The following FLVCR2 variants were observed in gnomAD, a reference collection of about 807,000 sequenced individuals.
FLVCR2 encodes choline/ethanolamine transporter FLVCR2.
Under a neutral mutation model 48.9 loss-of-function variants are expected in FLVCR2, and 38 were observed. The observed-to-expected ratio is 0.78, with a 90% confidence interval of 0.60 to 1.02. The LOEUF (loss-of-function observed/expected upper bound fraction) is 1.02. FLVCR2 is among the 50% of genes least tolerant of loss of function. The pLI is 0.00. For synonymous variants in FLVCR2, 255 were observed against 257.0 expected, an observed-to-expected ratio of 0.99 and a Z score of 0.07; for missense variants, 664 against 663.3, an observed-to-expected ratio of 1.00 and a Z score of -0.01.
At chr14:75,638,872 G>C (rs1462160841) in intron 5 of FLVCR2, among the ~76,000 whole-genome samples, 1 of 152,152 alleles carries the variant, frequency 6.6e-6, no homozygotes, top group Non-Finnish European at 1.5e-5. Flanking sequence ...ATCATCATCT[G>C]TCAGTGTCCA....
intron 1 of FLVCR2, among the ~76,000 whole-genome samples, chr14:75,598,728 C>T (rs570035831): frequency 4.6e-5 from 7 of 152,304 alleles, no homozygotes; most frequent in South Asian, 4.1e-4. Flanking sequence ...CTGCTGCCTC[C>T]GCCTCCCACA....
At position 75,581,376 on chromosome 14, in the gene FLVCR2, C is replaced by T. The variant is rs150986858; in HGVS notation, c.669+1735C>T. Among the ~76,000 whole-genome samples, 1,477 of 152,122 alleles carry T rather than the reference C, an allele frequency of 9.7e-3. 12 individuals carry two copies. Among genetic ancestry groups the T allele is most frequent in the Non-Finnish European group, 0.018 (1,223 of 67,990 alleles). ...TTTGGGCTCTATTCTTGACAGAGTCCTCTTTTTTAAGTTTGAAGCTGAGCT... is the reference window on the plus strand; with the variant it reads ...TTTGGGCTCTATTCTTGACAGAGTCTTCTTTTTTAAGTTTGAAGCTGAGCT... On this transcript the variant is annotated intron_variant, in intron 1 of 9. Coordinates refer to ENST00000238667, the MANE Select transcript of FLVCR2 (RefSeq NM_017791.3).
intron 1 of FLVCR2, among the ~76,000 whole-genome samples, chr14:75,596,780 GCCC>G (rs35205012): frequency 0.026 from 2,025 of 78,124 alleles, 85 homozygotes; most frequent in African/African-American, 0.095. Context: ...CTCCTCTTTT[GCCC>G]CCCCCCCCCG....
intron 1 of FLVCR2, among the ~76,000 whole-genome samples, chr14:75,612,836 C>A (rs1245910012): frequency 1.3e-5 from 2 of 152,210 alleles, no homozygotes; most frequent in Non-Finnish European, 2.9e-5. Flanking sequence ...AGGTAGCTTG[C>A]CTGGCAGAGT....
chr14:75,579,663 T>C (rs929531951), intron 1 of FLVCR2, 22 bp downstream of exon 1: 1 of 1,613,496 alleles, frequency 6.2e-7, no homozygotes, highest in Non-Finnish European at 8.5e-7. Context: ...AGTTTGTGAA[T>C]GTTCCCAGGG....
chr14:75,643,050 C>T (rs113116341), intron 9 of FLVCR2, among the ~76,000 whole-genome samples: 1,715 of 152,216 alleles, frequency 0.011, 38 homozygotes, highest in African/African-American at 0.039. Flanking sequence ...TTAGTAGAGA[C>T]GGGGTTTCAC....
intron 1 of FLVCR2, among the ~76,000 whole-genome samples, chr14:75,598,192 C>T (rs1889073495): frequency 6.6e-6 from 1 of 152,018 alleles, no homozygotes; most frequent in Non-Finnish European, 1.5e-5. Context: ...CAGTGGGAAG[C>T]AGTGGGAGCT....
At position 75,579,071 on chromosome 14, in the gene FLVCR2, C is replaced by T; in HGVS notation, c.99C>T (p.Val33=). Residue 33 remains valine (V), a synonymous_variant, in exon 1 of 10, where the codon GTC becomes GTT. Transcript: ENST00000238667. ...CCAGCGTCTCGGTCCATCCCAGCGT[C>T]TCGGTCCATCCCAGCGTCTCCATCA... is the stretch of plus-strand genomic sequence containing the variant. The part of the protein sequence containing the change: ...ADPSVSVHPS[V]SVHPSVSINP... 1 of 1,613,960 alleles carries T rather than the reference C, an allele frequency of 6.2e-7. No individual in the cohort carries two copies. Among genetic ancestry groups the T allele is most frequent in the Non-Finnish European group, 8.5e-7 (1 of 1,179,918 alleles).
intron 1 of FLVCR2, among the ~76,000 whole-genome samples, chr14:75,583,947 T>G (rs1888673548): frequency 6.6e-6 from 1 of 152,190 alleles, no homozygotes; most frequent in African/African-American, 2.4e-5. Flanking sequence ...AGTCTTCAGC[T>G]GCTAAGCCGA....
At chr14:75,610,047 G>A (rs1010118342) in intron 1 of FLVCR2, among the ~76,000 whole-genome samples, 2 of 152,198 alleles carry the variant, frequency 1.3e-5, no homozygotes, top group African/African-American at 4.8e-5. Flanking sequence ...TACTTCAAAT[G>A]TGAAAACTTT....
At chr14:75,622,323 A>T in intron 2 of FLVCR2, 103 bp downstream of exon 2, 1 of 1,171,930 alleles carries the variant, frequency 8.5e-7, no homozygotes, top group East Asian at 2.3e-5. Flanking sequence ...AATACCATGG[A>T]TATTTACAGA....
chr14:75,646,595 T>C lies in FLVCR2; in HGVS notation c.*123T>C. 2 of 742,614 alleles carry C rather than the reference T, an allele frequency of 2.7e-6. No individual in the cohort carries two copies. The highest frequency in any genetic ancestry group is 4.0e-5 in the Admixed American group (2 of 50,010). 46.0% of individuals were successfully genotyped at this position (742,614 alleles called of 1,614,324 possible). ...TGGAGGGAATCAGTGGGACTATTTGTGGCATGGATGGCCTATTCCTCCTAG... is the reference window on the plus strand; with the variant it reads ...TGGAGGGAATCAGTGGGACTATTTGCGGCATGGATGGCCTATTCCTCCTAG... On this transcript the variant is annotated 3_prime_UTR_variant, in exon 10 of 10. Transcript: ENST00000238667.
chr14:75,582,646 G>A (rs971919615), intron 1 of FLVCR2, among the ~76,000 whole-genome samples: 1 of 152,286 alleles, frequency 6.6e-6, no homozygotes, highest in East Asian at 1.9e-4. Flanking sequence ...TGATGGCACA[G>A]CCCTGTACTT....
chr14:75,598,943 C>G (rs1013579945), intron 1 of FLVCR2, among the ~76,000 whole-genome samples: 1 of 152,232 alleles, frequency 6.6e-6, no homozygotes, highest in Non-Finnish European at 1.5e-5. Context: ...ACCACTGAGG[C>G]TCCATACTAT....
intron 1 of FLVCR2, chr14:75,595,917 T>C (rs1159195776): frequency 8.1e-7 from 1 of 1,235,026 alleles, no homozygotes; most frequent in Non-Finnish European, 1.2e-6. Context: ...TTTCTTCTCA[T>C]ACAGGCCATG....
At position 75,632,589 on chromosome 14, in the gene FLVCR2, G is replaced by T. The variant is rs972093339; in HGVS notation, c.953-1040G>T. On this transcript the variant is annotated intron_variant, in intron 3 of 9. Coordinates refer to ENST00000238667, the MANE Select transcript of FLVCR2 (RefSeq NM_017791.3). ...TCTGAAAGACAGTAGCTTCCGGAAG[G>T]CTATATGAACTGGGGTTCTATGGAT... 8.5e-6 allele frequency: 6 copies of T among 701,900 alleles called. No individual in the cohort carries two copies. In the Admixed American group the frequency reaches 1.0e-4, roughly 12 times the overall value. 43.5% of individuals were successfully genotyped at this position (701,900 alleles called of 1,614,324 possible).
chr14:75,646,525 C>T lies in FLVCR2; in HGVS notation c.*53C>T. 7.9e-7 allele frequency: 1 copy of T among 1,267,022 alleles called. No individual in the cohort carries two copies. Among genetic ancestry groups the T allele is most frequent in the Non-Finnish European group, 1.2e-6 (1 of 864,992 alleles). The allele number at this position is 1,267,022 out of a possible 1,614,324, so 78.5% of individuals were successfully genotyped here. The stretch of plus-strand genomic sequence containing the variant: ...ACGAACACCCCACCTTTTCCTTCAG[C>T]ACAGCTCTCACCGCCAGCACAAAGG... On this transcript the variant is annotated 3_prime_UTR_variant, in exon 10 of 10. Coordinates refer to ENST00000238667, the MANE Select transcript of FLVCR2 (RefSeq NM_017791.3).
At chr14:75,602,401 C>T (rs1889187320) in intron 1 of FLVCR2, among the ~76,000 whole-genome samples, 1 of 152,108 alleles carries the variant, frequency 6.6e-6, no homozygotes, top group African/African-American at 2.4e-5. Context: ...TTGTACATTT[C>T]CAAGTTCTAA....
At chr14:75,600,415 A>T (rs1054318811) in intron 1 of FLVCR2, among the ~76,000 whole-genome samples, 1 of 152,228 alleles carries the variant, frequency 6.6e-6, no homozygotes, top group Non-Finnish European at 1.5e-5. Context: ...TGCTCTGCCT[A>T]TGGAGTAGCC....
Sources: allele counts gnomAD v4.1 joint callset (sites outside exome capture counted in the v4.1 genomes callset), GRCh38; gene constraint gnomAD v4.1.1; transcripts MANE v1.5; gene names NCBI Gene and HGNC (gene_info 2026-07-23, HGNC 2026-07-21).